The following ITGA2 variants were observed in gnomAD, a reference collection of about 807,000 sequenced individuals.
The protein encoded by ITGA2 is integrin alpha-2.
ITGA2 carries 101 observed loss-of-function variants against 146.3 expected under a neutral mutation model. The observed-to-expected ratio is 0.69, with a 90% confidence interval of 0.59 to 0.81. The LOEUF is 0.81. Ranked by LOEUF, ITGA2 falls within the 40% of genes least tolerant of loss-of-function variation. ITGA2 has a pLI of 0.00. For missense variants in ITGA2, 1,281 were observed against 1,402.7 expected (o/e 0.91, Z 1.39); for synonymous variants, 477 against 487.1 (o/e 0.98, Z 0.27).
intron 13 of ITGA2, among the ~76,000 whole-genome samples, chr5:53,064,433 A>G (rs1745047114): frequency 1.3e-5 from 2 of 151,996 alleles, no homozygotes; most frequent in African/African-American, 2.4e-5. Flanking sequence ...CTTATTTATA[A>G]TTCTGATCAT....
chr5:53,052,478 C>T (rs1744418930), intron 7 of ITGA2, among the ~76,000 whole-genome samples: 3 of 152,132 alleles, frequency 2.0e-5, no homozygotes, highest in Admixed American at 2.0e-4. Context: ...ATGAGAACAA[C>T]AAGCTTGCCT....
chr5:53,009,134 T>G (rs1056863235), intron 1 of ITGA2, among the ~76,000 whole-genome samples: 20 of 152,122 alleles, frequency 1.3e-4, no homozygotes, highest in Non-Finnish European at 2.8e-4. Flanking sequence ...GGGAAGAGAT[T>G]ATCTCACCCC....
In ITGA2 at chr5:53,075,070, A is replaced by C. The variant is rs116473481; in HGVS notation, c.2674A>C (p.Thr892Pro). 1,055 of 1,608,332 alleles carry C rather than the reference A, an allele frequency of 6.6e-4. 8 individuals carry two copies. The African/African-American group carries it at 0.013, about 20-fold the overall frequency. The change falls in exon 22 of 30, where the codon ACT becomes CCT. Residue 892 changes from threonine to proline, a missense_variant. Around this residue, in one of 3 missense-constraint regions of ITGA2, gnomAD observed 475 missense variants for 530.5 expected, o/e 0.90. Coordinates refer to ENST00000296585, the MANE Select transcript of ITGA2 (RefSeq NM_002203.4). ...ALKREQQVTF[T>P]INFDFNLQNL... ...TTAATTTTGTCTTTAGGTGACTTTT[A>C]CTATTAACTTTGACTTCAATCTTCA...
In ITGA2 at chr5:53,061,035, C is replaced by T. The variant is rs763535892; in HGVS notation, c.1447C>T (p.Arg483Ter). The change falls in exon 12 of 30, where the codon CGA becomes TGA. Residue 483 changes from arginine (R) to a stop codon, truncating the protein, a stop_gained. Coordinates refer to ENST00000296585, the MANE Select transcript of ITGA2 (RefSeq NM_002203.4). LOFTEE classifies it high-confidence loss of function. ...NGNITVIQAHRGDQIGSYFGS... is the reference protein window; with the variant it reads ...NGNITVIQAH The stretch of plus-strand genomic sequence containing the variant: ...CAATATCACGGTTATTCAGGCTCAC[C>T]GAGGTGACCAGGTAAATCTCACTGT... The T allele has an allele frequency of 1.7e-5, 28 of 1,611,944 alleles. No individual in the cohort carries two copies. Among genetic ancestry groups the T allele is most frequent in the Non-Finnish European group, 2.0e-5 (24 of 1,178,696 alleles).
At chr5:53,076,635 T>A (rs1294040152) in intron 23 of ITGA2, among the ~76,000 whole-genome samples, 1 of 152,038 alleles carries the variant, frequency 6.6e-6, no homozygotes, top group Middle Eastern at 3.2e-3. Context: ...TTCTAAATAT[T>A]TTTTGTCAAT....
Position 53,065,233 on chromosome 5 carries a change from C to T in ITGA2, c.1806+118C>T, listed in dbSNP as rs3212554. 1.3e-3 allele frequency: 1,277 copies of T among 1,020,704 alleles called. 13 individuals are homozygous for T. The African/African-American group carries it at 0.019, about 15-fold the overall frequency. 63.2% of individuals were successfully genotyped at this position (1,020,704 alleles called of 1,614,324 possible). On this transcript the variant is annotated intron_variant, in intron 14 of 29. Transcript: ENST00000296585. Reference sequence around the variant, plus strand: ...CTTATTTTGTAACTTCATTCTTTCACTCAGCAAATATAAAGTGAGCCTCTA... The same window carrying T: ...CTTATTTTGTAACTTCATTCTTTCATTCAGCAAATATAAAGTGAGCCTCTA...
At position 53,086,985 on chromosome 5, in the gene ITGA2, G is replaced by A. The variant is rs755585978; in HGVS notation, c.3292G>A (p.Ala1098Thr). Residue 1098 changes from alanine (A) to threonine (T), a missense_variant, in exon 28 of 30, where the codon GCA becomes ACA. Physicochemically the swap from Ala to Thr is moderately conservative, Grantham distance 58. Transcript: ENST00000296585. Reference protein sequence around the residue: ...TFQTVQLTAAAEINTYNPEIY... With the variant: ...TFQTVQLTAATEINTYNPEIY... ...CCAGACAGTACAGCTAACGGCAGCT[G>A]CAGAAATCAACACCTATAACCCTGA... 14 of 1,613,814 alleles carry A rather than the reference G, an allele frequency of 8.7e-6. No homozygotes were observed. The highest frequency in any genetic ancestry group is 1.7e-5 in the Admixed American group (1 of 60,012).
At chr5:53,046,520 G>T (rs1487024660) in intron 4 of ITGA2, among the ~76,000 whole-genome samples, 8 of 151,124 alleles carry the variant, frequency 5.3e-5, no homozygotes, top group African/African-American at 1.9e-4. Context: ...TTTGTTTTTT[G>T]ATTTTAAAGT....
chr5:53,018,959 G>C (rs755054396), intron 1 of ITGA2, among the ~76,000 whole-genome samples: 33 of 152,166 alleles, frequency 2.2e-4, no homozygotes, highest in South Asian at 1.7e-3. Flanking sequence ...AGCTACTCAG[G>C]AGGCTGAGAT....
intron 1 of ITGA2, among the ~76,000 whole-genome samples, chr5:53,024,634 G>T (rs955557269): frequency 6.6e-6 from 1 of 152,188 alleles, no homozygotes; most frequent in African/African-American, 2.4e-5. Flanking sequence ...GAGGGCCAAG[G>T]GAGAGCAGAG....
At chr5:53,019,512 T>G (rs1742562841) in intron 1 of ITGA2, among the ~76,000 whole-genome samples, 1 of 152,014 alleles carries the variant, frequency 6.6e-6, no homozygotes, top group South Asian at 2.1e-4. Context: ...ATTGCAGGGC[T>G]TGTGTCTGAG....
chr5:53,076,842 G>A (rs1745685059), intron 23 of ITGA2, among the ~76,000 whole-genome samples: 1 of 151,902 alleles, frequency 6.6e-6, no homozygotes, highest in African/African-American at 2.4e-5. Context: ...TTAACGTAGG[G>A]AATTATAAAG....
intron 1 of ITGA2, among the ~76,000 whole-genome samples, chr5:52,994,930 A>G (rs964725387): frequency 1.3e-5 from 2 of 152,156 alleles, no homozygotes; most frequent in African/African-American, 4.8e-5. Context: ...AACAGGTAAG[A>G]ATCATTACAA....
intron 26 of ITGA2, among the ~76,000 whole-genome samples, chr5:53,082,416 G>T (rs1745963748): frequency 6.6e-6 from 1 of 152,174 alleles, no homozygotes. Context: ...CTTTTAATGT[G>T]TATTAATCTA....
intron 1 of ITGA2, among the ~76,000 whole-genome samples, chr5:53,016,842 C>G (rs1369263665): frequency 1.3e-5 from 2 of 151,996 alleles, no homozygotes; most frequent in African/African-American, 2.4e-5. Context: ...GGTCTTTGAG[C>G]TCTGACATTT....
chr5:53,087,680 T>A (rs752817083), intron 28 of ITGA2, among the ~76,000 whole-genome samples: 18 of 150,274 alleles, frequency 1.2e-4, no homozygotes, highest in Admixed American at 8.6e-4. Context: ...AAACAAAGGC[T>A]CTCTGTTCTA....
At chr5:53,002,250 G>T (rs1236232214) in intron 1 of ITGA2, among the ~76,000 whole-genome samples, 1 of 151,822 alleles carries the variant, frequency 6.6e-6, no homozygotes, top group Non-Finnish European at 1.5e-5. Flanking sequence ...CTGTATATTT[G>T]CTTGTATTAA....
chr5:53,073,644 G>T (rs905464093), intron 20 of ITGA2, among the ~76,000 whole-genome samples: 1 of 151,820 alleles, frequency 6.6e-6, no homozygotes, highest in African/African-American at 2.4e-5. Context: ...GATGATGCAC[G>T]CCAGCAAAGC....
chr5:53,021,961 A>G lies in ITGA2; in HGVS notation c.65-4787A>G, dbSNP rs150541359. On this transcript the variant is annotated intron_variant, in intron 1 of 29. Transcript: ENST00000296585. ...AATGAGTCCCTTCTATGAAAAACCC[A>G]TCCCTGCCCCTGGCCCTTCAGTATA... Among the ~76,000 whole-genome samples, 470 of 152,212 alleles carry G rather than the reference A, an allele frequency of 3.1e-3. 5 individuals are homozygous for G. The highest frequency in any genetic ancestry group is 0.011 in the African/African-American group (450 of 41,518).
Sources: allele counts gnomAD v4.1 joint callset (sites outside exome capture counted in the v4.1 genomes callset), GRCh38; gene constraint gnomAD v4.1.1; regional missense constraint gnomAD v4.1.1; transcripts MANE v1.5; gene names NCBI Gene and HGNC (gene_info 2026-07-23, HGNC 2026-07-21).